Variants in CPD observed in about 807,000 individuals in gnomAD.
The protein encoded by CPD is metallocarboxypeptidase D.
In CPD, 69 loss-of-function variants were observed where a neutral mutation model predicts 138.3. That is an observed-to-expected ratio of 0.50 (90% CI 0.41 to 0.61). The LOEUF (loss-of-function observed/expected upper bound fraction) is 0.61. Ranked by LOEUF, CPD falls within the 20% of genes least tolerant of loss-of-function variation. The pLI, the probability that CPD is intolerant of heterozygous loss-of-function variation, is 0.00. For synonymous variants in CPD, 651 were observed against 642.1 expected, an observed-to-expected ratio of 1.01 and a Z score of -0.21; for missense variants, 1,432 against 1,733.3, an observed-to-expected ratio of 0.83 and a Z score of 3.09.
At chr17:30,448,503 A>G (rs528034126) in intron 12 of CPD, among the ~76,000 whole-genome samples, 1 of 152,302 alleles carries the variant, frequency 6.6e-6, no homozygotes, top group African/African-American at 2.4e-5. Context: ...GGCACAAGAG[A>G]GTTTTAGGTG....
chr17:30,403,446 G>C (rs560202890), intron 2 of CPD, among the ~76,000 whole-genome samples: 4 of 152,218 alleles, frequency 2.6e-5, no homozygotes, highest in African/African-American at 9.6e-5. Context: ...CCTCATATCT[G>C]CCATCTCACT....
Position 30,379,582 on chromosome 17 carries a change from G to T in CPD, c.602G>T (p.Gly201Val). The T allele has an allele frequency of 6.6e-7, 1 of 1,510,246 alleles. No homozygotes were observed. The allele number at this position is 1,510,246 out of a possible 1,614,324, so 93.6% of individuals were successfully genotyped here. A position where few individuals can be genotyped will look rare whatever the true frequency, so the allele number is the denominator to read the frequency against. ...GGCGACTGTGGCTTCGGCGACGGCG[G>T]CCCGTCCGGGGCCAGCGGCCGCGAC... The part of the protein sequence containing the change: ...REGDCGFGDG[G>V]PSGASGRDNS... The change falls in exon 1 of 21, where the codon GGC becomes GTC. Residue 201 changes from glycine (G) to valine (V), a missense_variant. Coordinates refer to ENST00000225719, the MANE Select transcript of CPD (RefSeq NM_001304.5). This position sits in a 1 kb window ranked among gnomAD's most constrained non-coding sequence, Gnocchi z 7.0.
At chr17:30,437,147 A>G (rs1912725420) in intron 8 of CPD, among the ~76,000 whole-genome samples, 1 of 152,036 alleles carries the variant, frequency 6.6e-6, no homozygotes, top group African/African-American at 2.4e-5. Context: ...TTGGGGAAAA[A>G]TGGAGAATGC....
chr17:30,386,363 C>T (rs1327814655), intron 2 of CPD, among the ~76,000 whole-genome samples: 2 of 151,974 alleles, frequency 1.3e-5, no homozygotes, highest in African/African-American at 4.8e-5. Flanking sequence ...GCACATTTTC[C>T]TTTTGTATTT....
chr17:30,455,631 T>A (rs1177541186), intron 15 of CPD, 161 bp downstream of exon 15: 1 of 685,978 alleles, frequency 1.5e-6, no homozygotes, highest in Admixed American at 3.4e-5. Context: ...GCAGTTCAGT[T>A]ACTTGGAGAG....
chr17:30,398,284 G>T (rs1376449645), intron 2 of CPD, among the ~76,000 whole-genome samples: 1 of 151,754 alleles, frequency 6.6e-6, no homozygotes, highest in African/African-American at 2.4e-5. Flanking sequence ...ATAGAAACTC[G>T]CTTATTTATG....
intron 12 of CPD, among the ~76,000 whole-genome samples, chr17:30,446,509 A>C (rs533347546): frequency 1.2e-4 from 18 of 152,164 alleles, no homozygotes; most frequent in Non-Finnish European, 1.6e-4. Flanking sequence ...ATGAACTCAT[A>C]ATTTTTTATG....
intron 2 of CPD, among the ~76,000 whole-genome samples, chr17:30,399,199 A>G (rs1911586529): frequency 6.6e-6 from 1 of 152,176 alleles, no homozygotes; most frequent in African/African-American, 2.4e-5. Context: ...AGTTTGACCT[A>G]GGTCAAACTT....
chr17:30,444,334 A>G lies in CPD; in HGVS notation c.2543+363A>G, dbSNP rs1012144803. The stretch of plus-strand genomic sequence containing the variant: ...TGAAGTAATTCTACAGTCAGTTCCA[A>G]TTCATAGTAGAATTTATTGGAAATG... On this transcript the variant is annotated intron_variant, in intron 11 of 20. Transcript: ENST00000225719. 2.6e-5 allele frequency among the ~76,000 whole-genome samples: 4 copies of G among 152,232 alleles called. No individual in the cohort carries two copies. In the South Asian group the frequency reaches 8.3e-4, roughly 32 times the overall value.
intron 7 of CPD, among the ~76,000 whole-genome samples, chr17:30,429,050 GTTAA>G (rs1912495428): frequency 6.6e-6 from 1 of 152,100 alleles, no homozygotes; most frequent in South Asian, 2.1e-4. Context: ...GATTTAGGAG[GTTAA>G]TTGAGATTCT....
intron 15 of CPD, 60 bp from the exon 16 acceptor site, chr17:30,456,196 A>G: frequency 7.3e-7 from 1 of 1,367,832 alleles, no homozygotes; most frequent in Non-Finnish European, 1.0e-6. Flanking sequence ...ATGAAGGTTA[A>G]CTTGGGGGAA....
chr17:30,395,844 T>C (rs1456921100), intron 2 of CPD, among the ~76,000 whole-genome samples: 2 of 152,138 alleles, frequency 1.3e-5, no homozygotes, highest in Non-Finnish European at 2.9e-5. Context: ...TGTAGAATCA[T>C]ATCATTAGCA....
chr17:30,422,501 T>C (rs1383203580), intron 4 of CPD, among the ~76,000 whole-genome samples, 173 bp from the exon 5 acceptor site: 1 of 152,208 alleles, frequency 6.6e-6, no homozygotes. Context: ...AATCTGGGGT[T>C]CTTTGTGAGA....
intron 2 of CPD, among the ~76,000 whole-genome samples, chr17:30,394,927 T>G (rs869207886): frequency 2.8e-5 from 3 of 106,638 alleles, no homozygotes; most frequent in East Asian, 3.1e-4. Flanking sequence ...GTGTGTGTGT[T>G]CGTTCAGGTG....
Position 30,469,931 on chromosome 17 carries a change from T to G in CPD, c.*5117T>G, listed in dbSNP as rs548428245. ...CAGTAATCTAGTTATTATGTTCAGC[T>G]TTTCAGATTTATAATAGCTGATTGT... On this transcript the variant is annotated 3_prime_UTR_variant, in exon 21 of 21. Transcript: ENST00000225719. 2.6e-5 allele frequency: 4 copies of G among 152,264 alleles called. No homozygotes were observed. The South Asian group carries it at 8.3e-4, about 32-fold the overall frequency. The allele number at this position is 152,264 out of a possible 1,614,324, so 9.4% of individuals were successfully genotyped here.
chr17:30,457,048 A>G (rs1259405100), intron 17 of CPD, among the ~76,000 whole-genome samples: 1 of 152,012 alleles, frequency 6.6e-6, no homozygotes, highest in African/African-American at 2.4e-5. Context: ...ACATTAATTA[A>G]ATGTTGTGCC....
chr17:30,388,778 G>A (rs1245476624), intron 2 of CPD, among the ~76,000 whole-genome samples: 1 of 152,150 alleles, frequency 6.6e-6, no homozygotes, highest in Non-Finnish European at 1.5e-5. Flanking sequence ...GGCCAGGGGC[G>A]ACATTGCCAC....
chr17:30,458,738 C>A (rs1913368137), intron 17 of CPD, among the ~76,000 whole-genome samples: 1 of 151,938 alleles, frequency 6.6e-6, no homozygotes, highest in South Asian at 2.1e-4. Context: ...TAGTGCTGCG[C>A]ACCTGTAATC....
chr17:30,442,265 T>G (rs1912892840), intron 9 of CPD, 43 bp from the exon 10 acceptor site: 2 of 1,593,970 alleles, frequency 1.3e-6, no homozygotes, highest in East Asian at 4.5e-5. Context: ...CTGAGCTGTT[T>G]AGAACTTCTT....
Sources: allele counts gnomAD v4.1 joint callset (sites outside exome capture counted in the v4.1 genomes callset), GRCh38; gene constraint gnomAD v4.1.1; non-coding constraint Gnocchi (gnomAD v3.1); transcripts MANE v1.5; gene names NCBI Gene and HGNC (gene_info 2026-07-23, HGNC 2026-07-21).